The following MECOM variants were observed in gnomAD, a reference collection of about 807,000 sequenced individuals.
The protein encoded by MECOM is histone-lysine N-methyltransferase MECOM.
MECOM carries 13 observed loss-of-function variants against 116.3 expected under a neutral mutation model. The observed-to-expected ratio is 0.11, with a 90% CI of 0.07 to 0.18. The LOEUF is 0.18. Ranked by LOEUF, MECOM falls within the 10% of genes least tolerant of loss-of-function variation. MECOM has a pLI of 1.00. For missense variants in MECOM, 1,299 were observed against 1,509.0 expected (o/e 0.86, Z 2.31); for synonymous variants, 528 against 535.2 (o/e 0.99, Z 0.19).
chr3:169,186,821 C>G (rs1020391213), intron 2 of MECOM, among the ~76,000 whole-genome samples: 3 of 151,976 alleles, frequency 2.0e-5, no homozygotes, highest in African/African-American at 4.8e-5. Flanking sequence ...ATGAGAGAGG[C>G]AAGCAAAGGT....
chr3:169,503,835 T>C (rs895141588), intron 1 of MECOM, among the ~76,000 whole-genome samples: 1 of 152,196 alleles, frequency 6.6e-6, no homozygotes, highest in Non-Finnish European at 1.5e-5. Context: ...GGTATTTGTA[T>C]TGGCAAAATA....
intron 1 of MECOM, among the ~76,000 whole-genome samples, chr3:169,440,634 T>A (rs1743481960): frequency 6.6e-6 from 1 of 152,186 alleles, no homozygotes; most frequent in Non-Finnish European, 1.5e-5. Flanking sequence ...GTTTGGATTA[T>A]TTTATGTCAA....
intron 2 of MECOM, among the ~76,000 whole-genome samples, chr3:169,299,092 C>T: frequency 6.6e-6 from 1 of 152,104 alleles, no homozygotes; most frequent in East Asian, 1.9e-4. Context: ...GGGAAAATTG[C>T]TGTTGGCTGA....
At chr3:169,607,821 A>C (rs960815623) in intron 1 of MECOM, among the ~76,000 whole-genome samples, 3 of 152,218 alleles carry the variant, frequency 2.0e-5, no homozygotes, top group South Asian at 2.1e-4. Flanking sequence ...ACATTCATTA[A>C]ATTTGCGTAA....
At chr3:169,282,815 AATATG>A (rs1460211393) in intron 2 of MECOM, among the ~76,000 whole-genome samples, 1 of 151,796 alleles carries the variant, frequency 6.6e-6, no homozygotes, top group Non-Finnish European at 1.5e-5. Flanking sequence ...ACTAATATAT[AATATG>A]ATATAATAAT....
chr3:169,334,781 G>A (rs1293833495), intron 2 of MECOM, among the ~76,000 whole-genome samples: 1 of 152,036 alleles, frequency 6.6e-6, no homozygotes, highest in Non-Finnish European at 1.5e-5. Context: ...TATCCCTTTG[G>A]AGCCAGTGGC....
chr3:169,336,902 T>TG (rs1389127522), intron 2 of MECOM, among the ~76,000 whole-genome samples: 1 of 152,172 alleles, frequency 6.6e-6, no homozygotes, highest in Non-Finnish European at 1.5e-5. Flanking sequence ...ATTACCACAG[T>TG]GTAATATTTG....
chr3:169,265,321 C>T (rs1388431342), intron 2 of MECOM, among the ~76,000 whole-genome samples: 1 of 152,128 alleles, frequency 6.6e-6, no homozygotes, highest in Non-Finnish European at 1.5e-5. Flanking sequence ...AGAGGACCGA[C>T]CTTGCTGTGT....
chr3:169,571,033 A>T (rs914947841), intron 1 of MECOM, among the ~76,000 whole-genome samples: 1 of 152,284 alleles, frequency 6.6e-6, no homozygotes, highest in Non-Finnish European at 1.5e-5. Flanking sequence ...CAAATAGGAA[A>T]AAAAAGGAAG....
intron 2 of MECOM, among the ~76,000 whole-genome samples, chr3:169,180,677 C>T (rs1745827205): frequency 1.3e-5 from 2 of 151,166 alleles, no homozygotes; most frequent in Admixed American, 1.3e-4. Context: ...ACCTTCTTTC[C>T]TTCTGATTCA....
At chr3:169,660,358 A>G (rs1776122453) in intron 1 of MECOM, among the ~76,000 whole-genome samples, 1 of 151,870 alleles carries the variant, frequency 6.6e-6, no homozygotes, top group Non-Finnish European at 1.5e-5. Context: ...TTTACAACGA[A>G]TTTATCGGTT....
intron 12 of MECOM, among the ~76,000 whole-genome samples, chr3:169,096,229 G>T (rs922194623): frequency 6.6e-6 from 1 of 151,022 alleles, no homozygotes; most frequent in Non-Finnish European, 1.5e-5. Flanking sequence ...ATTTTGGGGG[G>T]CATGTTACTT....
intron 2 of MECOM, chr3:169,147,791 A>C: frequency 1.5e-6 from 1 of 684,072 alleles, no homozygotes; most frequent in Non-Finnish European, 1.7e-6. Context: ...GGGGGATGGG[A>C]GGGATGGGGA....
intron 1 of MECOM, among the ~76,000 whole-genome samples, chr3:169,642,744 A>C (rs1773657814): frequency 6.6e-6 from 1 of 151,974 alleles, no homozygotes; most frequent in Admixed American, 6.6e-5. Flanking sequence ...AATTAAAAAA[A>C]AAAAATAGAA....
chr3:169,439,985 C>T (rs1743333845), intron 1 of MECOM, among the ~76,000 whole-genome samples: 1 of 152,038 alleles, frequency 6.6e-6, no homozygotes, highest in African/African-American at 2.4e-5. Context: ...TTTGGTAATA[C>T]ATACATAAGC....
intron 1 of MECOM, among the ~76,000 whole-genome samples, chr3:169,640,683 T>C (rs1436588517): frequency 6.6e-6 from 1 of 152,350 alleles, no homozygotes; most frequent in East Asian, 1.9e-4. Flanking sequence ...CACACCCTTA[T>C]GAAGTCGGTG....
chr3:169,354,786 T>C (rs373284237), intron 2 of MECOM, among the ~76,000 whole-genome samples: 18 of 151,710 alleles, frequency 1.2e-4, no homozygotes, highest in African/African-American at 3.6e-4. Flanking sequence ...GTTCAGTTTT[T>C]CCCCCCCTTC....
At chr3:169,604,052 T>A (rs1325574212) in intron 1 of MECOM, among the ~76,000 whole-genome samples, 1 of 152,162 alleles carries the variant, frequency 6.6e-6, no homozygotes, top group Non-Finnish European at 1.5e-5. Flanking sequence ...ATTGCCTTTT[T>A]CTCTAAGCGA....
intron 2 of MECOM, among the ~76,000 whole-genome samples, chr3:169,247,949 A>G (rs1216423474): frequency 1.3e-5 from 2 of 152,312 alleles, no homozygotes; most frequent in East Asian, 3.9e-4. Context: ...CAACTAGCTG[A>G]CTTTTGCCCA....
Sources: gnomAD v4.1 joint callset for allele counts (sites outside exome capture counted in the v4.1 genomes callset) on GRCh38, gnomAD v4.1.1 for gene constraint, MANE v1.5 for transcripts, NCBI Gene and HGNC (gene_info 2026-07-23, HGNC 2026-07-21) for gene names.